Variants in OR1M1 observed in about 807,000 individuals in gnomAD.
OR1M1 encodes olfactory receptor 1M1.
For missense variants in OR1M1, 397 were observed against 401.8 expected (o/e 0.99, Z 0.10); for synonymous variants, 157 against 165.5 (o/e 0.95, Z 0.39).
rs372733438 is a variant in OR1M1, at chr19:9,093,234, G to A, written c.-11G>A. On this transcript the variant is annotated splice_region_variant and 5_prime_UTR_variant, in exon 2 of 2. Transcript: ENST00000641627. ...ACCTCCCCTTTCCATACTTCCAGAG[G>A]AATCACACCCATGGAACCAAGAAAC... 22 of 1,579,676 alleles carry A rather than the reference G, an allele frequency of 1.4e-5. No homozygotes were observed. In the African/African-American group the frequency reaches 2.0e-4, roughly 15 times the overall value.
At chr19:9,089,433 T>C (rs1027098490) in intron 1 of OR1M1, among the ~76,000 whole-genome samples, 25 of 151,198 alleles carry the variant, frequency 1.7e-4, no homozygotes, top group South Asian at 8.4e-4. Flanking sequence ...TTTTTTTTTT[T>C]TTTTTTTGAG....
intron 1 of OR1M1, among the ~76,000 whole-genome samples, chr19:9,092,627 C>T (rs535391273): frequency 1.3e-5 from 2 of 151,966 alleles, no homozygotes; most frequent in South Asian, 2.1e-4. Flanking sequence ...TTTAGCCTGG[C>T]GTGGTGGCTC....
At chr19:9,087,880 G>T (rs756937691) in intron 1 of OR1M1, among the ~76,000 whole-genome samples, 53 of 151,886 alleles carry the variant, frequency 3.5e-4, no homozygotes, top group Admixed American at 1.5e-3. Context: ...TTGTAGCACT[G>T]TTTTTCTTCG....
Position 9,094,058 on chromosome 19 carries a change from A to T in OR1M1, c.814A>T (p.Lys272Ter), listed in dbSNP as rs755445617. Residue 272 changes from lysine to a stop codon, truncating the protein, a stop_gained, in exon 2 of 2, where the codon AAA (lysine) becomes TAA (stop). Transcript: ENST00000641627. LOFTEE classifies it low-confidence loss of function (END_TRUNC). ...CTCGGTCCTCACCACTGTGAAGGAG[A>T]AAGCTTCTGCGGTGATGTACACAGC... ...PSSVLTTVKE[K>*]ASAVMYTAVT... is the part of the protein sequence containing the mutation. 3 of 1,614,016 alleles carry T rather than the reference A, an allele frequency of 1.9e-6. No homozygotes were observed. The highest frequency in any genetic ancestry group is 2.5e-6 in the Non-Finnish European group (3 of 1,180,012).
intron 1 of OR1M1, among the ~76,000 whole-genome samples, chr19:9,092,971 G>A (rs2050301320): frequency 6.7e-6 from 1 of 148,182 alleles, no homozygotes; most frequent in Non-Finnish European, 1.5e-5. Context: ...TAGAGACAGG[G>A]TCTCTAAAGT....
At chr19:9,093,123 C>T (rs1368387930) in intron 1 of OR1M1, 109 bp from the exon 2 acceptor site, 21 of 584,008 alleles carry the variant, frequency 3.6e-5, no homozygotes, top group Non-Finnish European at 4.6e-5. Context: ...TATATATATA[C>T]ACATCTGGTC....
chr19:9,093,973 C>T lies in OR1M1; in HGVS notation c.729C>T (p.Ser243=). The change falls in exon 2 of 2, where the codon TCC becomes TCT. Residue 243 remains serine, a synonymous_variant. Transcript: ENST00000641627. ...AGAAAGCCTTCTCCACCTGCAGCTC[C>T]CACCTGTCTGTGGTTGCTCTCTTCT... ...GRKKAFSTCS[S]HLSVVALFYG... The T allele has an allele frequency of 6.2e-7, 1 of 1,614,168 alleles. No individual in the cohort carries two copies. Among genetic ancestry groups the T allele is most frequent in the Non-Finnish European group, 8.5e-7 (1 of 1,180,038 alleles).
chr19:9,089,230 T>G (rs577645687), intron 1 of OR1M1, among the ~76,000 whole-genome samples: 1 of 152,242 alleles, frequency 6.6e-6, no homozygotes, highest in East Asian at 1.9e-4. Context: ...GTATCCTCTG[T>G]TCTTTTTACT....
chr19:9,092,136 T>C (rs1164112335), intron 1 of OR1M1, among the ~76,000 whole-genome samples: 1 of 139,636 alleles, frequency 7.2e-6, no homozygotes, highest in African/African-American at 2.6e-5. Context: ...CTCAGGCTGC[T>C]CTTGAACACC....
In OR1M1 at chr19:9,093,395, A is replaced by G. The variant is rs1313496187; in HGVS notation, c.151A>G (p.Ile51Val). The G allele has an allele frequency of 6.2e-7, 1 of 1,613,900 alleles. No homozygotes were observed. Among genetic ancestry groups the G allele is most frequent in the South Asian group, 1.1e-5 (1 of 91,070 alleles). The stretch of plus-strand genomic sequence containing the variant: ...CCTGCTCATCATCCTGGCCATCAGC[A>G]TAGACTCCCACCTCCACACCCCCAT... ...GNLLIILAIS[I>V]DSHLHTPMYF... Residue 51 changes from isoleucine to valine, a missense_variant, in exon 2 of 2, where the codon ATA becomes GTA. Physicochemically the swap from Ile to Val is conservative, Grantham distance 29. Transcript: ENST00000641627.
intron 1 of OR1M1, among the ~76,000 whole-genome samples, chr19:9,088,670 G>A (rs1191621989): frequency 6.6e-6 from 1 of 152,080 alleles, no homozygotes; most frequent in Non-Finnish European, 1.5e-5. Flanking sequence ...CGGATCACCT[G>A]TGGTCAGGAG....
chr19:9,089,061 C>T (rs184134101), intron 1 of OR1M1, among the ~76,000 whole-genome samples: 42 of 152,260 alleles, frequency 2.8e-4, no homozygotes, highest in Non-Finnish European at 5.4e-4. Context: ...TCAATATCCT[C>T]CTTCTAGCTG....
chr19:9,087,369 C>T (rs1314292362), intron 1 of OR1M1, among the ~76,000 whole-genome samples: 1 of 152,018 alleles, frequency 6.6e-6, no homozygotes, highest in Non-Finnish European at 1.5e-5. Flanking sequence ...CTTCTACCTC[C>T]TGGGCTTAAG....
intron 1 of OR1M1, among the ~76,000 whole-genome samples, chr19:9,090,017 C>A (rs1298973061): frequency 1.3e-5 from 2 of 152,186 alleles, no homozygotes; most frequent in Non-Finnish European, 2.9e-5. Context: ...ATCTTCTGTG[C>A]TTCCATTTCT....
intron 1 of OR1M1, among the ~76,000 whole-genome samples, chr19:9,087,728 G>A (rs2050272059): frequency 1.3e-5 from 2 of 152,008 alleles, no homozygotes; most frequent in South Asian, 4.2e-4. Context: ...GGAATTCACT[G>A]TGCTCGGCCG....
chr19:9,094,190 C>T lies in OR1M1; in HGVS notation c.*4C>T, dbSNP rs367779056. ...AAAGATCACCTCATCTTCCTGACCA[C>T]CAGGACTCAGGAACTTCTGGGGGGT... is the stretch of plus-strand genomic sequence containing the variant. On this transcript the variant is annotated 3_prime_UTR_variant, in exon 2 of 2. Transcript: ENST00000641627. 2.5e-5 allele frequency: 39 copies of T among 1,587,692 alleles called. No homozygotes were observed. Among genetic ancestry groups the T allele is most frequent in the African/African-American group, 1.2e-4 (9 of 74,412 alleles).
rs1304438230 is a variant in OR1M1, at chr19:9,093,267, G to A, written c.23G>A (p.Ser8Asn). The change falls in exon 2 of 2, where the codon AGT (serine) becomes AAT (asparagine). Residue 8 changes from serine (S) to asparagine (N), a missense_variant. By Grantham distance (46) the Ser-to-Asn change is conservative. Coordinates refer to ENST00000641627, the MANE Select transcript of OR1M1 (RefSeq NM_001004456.2). Reference sequence around the variant, plus strand: ...CCCATGGAACCAAGAAACCAAACCAGTGCATCTCAATTCATCCTCCTGGGA... The same window carrying A: ...CCCATGGAACCAAGAAACCAAACCAATGCATCTCAATTCATCCTCCTGGGA... MEPRNQT[S>N]ASQFILLGLS... is the part of the protein sequence containing the mutation. 6.2e-7 allele frequency: 1 copy of A among 1,611,182 alleles called. No individual in the cohort carries two copies. The highest frequency in any genetic ancestry group is 2.2e-5 in the East Asian group (1 of 44,850).
chr19:9,092,480 G>A (rs570506505), intron 1 of OR1M1, among the ~76,000 whole-genome samples: 2 of 152,164 alleles, frequency 1.3e-5, no homozygotes, highest in East Asian at 1.9e-4. Flanking sequence ...GTGTGTGCCT[G>A]TAGACCCCGC....
intron 1 of OR1M1, among the ~76,000 whole-genome samples, chr19:9,088,039 C>T (rs550342011): frequency 7.9e-5 from 12 of 151,866 alleles, no homozygotes; most frequent in East Asian, 3.9e-4. Flanking sequence ...TACAGATGCC[C>T]GCCACCACAC....
Sources: gnomAD v4.1 joint callset for allele counts (sites outside exome capture counted in the v4.1 genomes callset) on GRCh38, gnomAD v4.1.1 for gene constraint, MANE v1.5 for transcripts, NCBI Gene and HGNC (gene_info 2026-07-23, HGNC 2026-07-21) for gene names.